TSHZ3: variants seen among roughly 807,000 people sequenced by gnomAD.
TSHZ3 encodes the protein teashirt homolog 3.
A neutral mutation model predicts 64.5 loss-of-function variants in TSHZ3; 10 were observed. That is an observed-to-expected ratio of 0.16 (90% confidence interval 0.10 to 0.26). The LOEUF is 0.26. Ranked by LOEUF, TSHZ3 falls within the 10% of genes least tolerant of loss-of-function variation. The probability of loss-of-function intolerance (pLI) is 1.00; values close to 1 mark genes in which losing one functional copy is unlikely to be tolerated. For missense variants in TSHZ3, 1,242 were observed against 1,421.7 expected (o/e 0.87, Z 2.03); for synonymous variants, 608 against 593.1 (o/e 1.03, Z -0.36).
chr19:31,330,932 A>T (rs1350170482), intron 1 of TSHZ3, among the ~76,000 whole-genome samples: 1 of 152,122 alleles, frequency 6.6e-6, no homozygotes, highest in Non-Finnish European at 1.5e-5. Context: ...AGGCACGGGC[A>T]TGTCCCCAGT....
At chr19:31,260,020 A>G (rs937815030) in intron 1 of TSHZ3, among the ~76,000 whole-genome samples, 1 of 152,150 alleles carries the variant, frequency 6.6e-6, no homozygotes, top group Non-Finnish European at 1.5e-5. Context: ...TATGATGTGC[A>G]TCTTTCATAC....
intron 1 of TSHZ3, among the ~76,000 whole-genome samples, chr19:31,281,316 G>A (rs1976357958): frequency 6.6e-6 from 1 of 152,092 alleles, no homozygotes; most frequent in African/African-American, 2.4e-5. Flanking sequence ...TTCCAGGACA[G>A]GTGTGATTCT....
At chr19:31,334,274 A>C (rs185525544) in intron 1 of TSHZ3, among the ~76,000 whole-genome samples, 134 of 152,300 alleles carry the variant, frequency 8.8e-4, no homozygotes, top group Non-Finnish European at 1.7e-3. Context: ...GCTAACTAAT[A>C]TATGTGAAAG....
intron 1 of TSHZ3, among the ~76,000 whole-genome samples, chr19:31,309,162 T>C (rs1916384010): frequency 6.6e-6 from 1 of 152,216 alleles, no homozygotes; most frequent in Non-Finnish European, 1.5e-5. Flanking sequence ...CCGGAAGGCA[T>C]CGCTTTGTAC....
At chr19:31,185,874 A>G (rs551187243) in intron 5 of TSHZ3, among the ~76,000 whole-genome samples, 1 of 152,212 alleles carries the variant, frequency 6.6e-6, no homozygotes, top group South Asian at 2.1e-4. Context: ...TTCCATTTCT[A>G]ACTATAAATT....
chr19:31,225,897 T>C (rs137958310), intron 4 of TSHZ3, among the ~76,000 whole-genome samples: 1 of 152,204 alleles, frequency 6.6e-6, no homozygotes, highest in Non-Finnish European at 1.5e-5. Context: ...GAAGCCAAGG[T>C]AGGTGGATTG....
chr19:31,340,576 G>A (rs1917403360), intron 1 of TSHZ3, among the ~76,000 whole-genome samples: 1 of 152,138 alleles, frequency 6.6e-6, no homozygotes, highest in Non-Finnish European at 1.5e-5. Context: ...AGAAAGCCTT[G>A]GCGGTGAGGA....
intron 4 of TSHZ3, among the ~76,000 whole-genome samples, chr19:31,214,768 C>CGT (rs1021157613): frequency 1.3e-5 from 2 of 151,754 alleles, no homozygotes; most frequent in Non-Finnish European, 2.9e-5. Flanking sequence ...ATTAGCCGGG[C>CGT]GTGGTGGCGG....
Position 31,308,067 on chromosome 19 carries a change from T to C in TSHZ3, c.41-28315A>G, listed in dbSNP as rs137956942. ...CTAGCTCTCACGCAACTGTTTAGCT[T>C]TCTTATTTGTTTTTTGTCTGTTTTC... On this transcript the variant is annotated intron_variant, in intron 1 of 1. Coordinates refer to ENST00000240587, the MANE Select transcript of TSHZ3 (RefSeq NM_020856.4). Among the ~76,000 whole-genome samples, 1,309 of 152,316 alleles carry C rather than the reference T, an allele frequency of 8.6e-3. 4 individuals carry two copies. Among genetic ancestry groups the C allele is most frequent in the Admixed American group, 0.014 (208 of 15,296 alleles).
chr19:31,206,444 A>C (rs1599582820), intron 4 of TSHZ3, among the ~76,000 whole-genome samples: 2 of 152,172 alleles, frequency 1.3e-5, no homozygotes, highest in South Asian at 2.1e-4. Flanking sequence ...AAAGCAAAGC[A>C]AGAGACACCA....
chr19:31,251,630 G>A (rs997950412), intron 1 of TSHZ3, among the ~76,000 whole-genome samples: 4 of 152,186 alleles, frequency 2.6e-5, no homozygotes, highest in African/African-American at 9.7e-5. Flanking sequence ...ACCCTGCCGT[G>A]ATATGGGTTC....
At chr19:31,313,527 C>A (rs141710038) in intron 1 of TSHZ3, among the ~76,000 whole-genome samples, 1 of 152,186 alleles carries the variant, frequency 6.6e-6, no homozygotes. Context: ...CCTGGCACTG[C>A]GTACCACCTG....
intron 5 of TSHZ3, among the ~76,000 whole-genome samples, chr19:31,171,569 C>T (rs547710101): frequency 1.3e-5 from 2 of 150,462 alleles, no homozygotes; most frequent in African/African-American, 2.4e-5. Flanking sequence ...AAATTTCAAG[C>T]TTTAAGACAG....
chr19:31,334,967 C>T (rs1599655836), intron 1 of TSHZ3, among the ~76,000 whole-genome samples: 1 of 152,236 alleles, frequency 6.6e-6, no homozygotes, highest in East Asian at 1.9e-4. Context: ...GTGAGTCACT[C>T]AAAAAGCTGC....
At chr19:31,340,962 T>A (rs1459169859) in intron 1 of TSHZ3, among the ~76,000 whole-genome samples, 1 of 152,228 alleles carries the variant, frequency 6.6e-6, no homozygotes, top group African/African-American at 2.4e-5. Flanking sequence ...AACACACCTT[T>A]TTCTTCCTCC....
chr19:31,282,621 C>T (rs987688937), intron 1 of TSHZ3, among the ~76,000 whole-genome samples: 2 of 152,176 alleles, frequency 1.3e-5, no homozygotes, highest in African/African-American at 2.4e-5. Context: ...AACACATGCA[C>T]CATGAATGAT....
At chr19:31,248,105 T>C (rs1052451202) in intron 1 of TSHZ3, among the ~76,000 whole-genome samples, 1 of 152,038 alleles carries the variant, frequency 6.6e-6, no homozygotes, top group African/African-American at 2.4e-5. Flanking sequence ...TGAGACTTAC[T>C]CACTACCACG....
chr19:31,163,593 TG>T (rs1974399764), intron 5 of TSHZ3, among the ~76,000 whole-genome samples: 1 of 152,114 alleles, frequency 6.6e-6, no homozygotes, highest in Admixed American at 6.6e-5. Context: ...TATCCAGGCC[TG>T]GTCGCGCTTG....
chr19:31,341,786 G>C (rs1290362747), intron 1 of TSHZ3, among the ~76,000 whole-genome samples: 1 of 152,070 alleles, frequency 6.6e-6, no homozygotes, highest in Non-Finnish European at 1.5e-5. Context: ...TTCTTCCCTG[G>C]TTCCACGGCT....
Sources: gnomAD v4.1 joint callset for allele counts (sites outside exome capture counted in the v4.1 genomes callset) on GRCh38, gnomAD v4.1.1 for gene constraint, MANE v1.5 for transcripts, NCBI Gene and HGNC (gene_info 2026-07-23, HGNC 2026-07-21) for gene names.